The following HDAC9 variants were observed in gnomAD, a reference collection of about 807,000 sequenced individuals.
HDAC9 encodes histone deacetylase 9.
HDAC9 carries 41 observed loss-of-function variants against 139.4 expected under a neutral mutation model. The ratio of observed to expected loss-of-function variants is 0.29; its 90% confidence interval spans 0.23 to 0.38. HDAC9 has a LOEUF of 0.38. Ranked by LOEUF, HDAC9 falls within the 10% of genes least tolerant of loss-of-function variation. The pLI is 1.00. For missense variants in HDAC9, 1,147 were observed against 1,297.0 expected, an observed-to-expected ratio of 0.88 and a Z score of 1.78; for synonymous variants, 517 against 476.2, an observed-to-expected ratio of 1.09 and a Z score of -1.12.
intron 1 of HDAC9, among the ~76,000 whole-genome samples, chr7:18,335,973 G>A (rs1340391158): frequency 6.6e-6 from 1 of 151,556 alleles, no homozygotes; most frequent in Admixed American, 6.6e-5. Flanking sequence ...TATTGCTCAT[G>A]ATGTAACATT....
intron 2 of HDAC9, among the ~76,000 whole-genome samples, chr7:18,176,065 C>T (rs1788877780): frequency 6.6e-6 from 1 of 152,104 alleles, no homozygotes; most frequent in African/African-American, 2.4e-5. Context: ...TGACCAAGCA[C>T]TCACCTTTTA....
chr7:18,539,432 C>CT (rs1242577918), intron 2 of HDAC9, among the ~76,000 whole-genome samples: 1 of 152,142 alleles, frequency 6.6e-6, no homozygotes, highest in Non-Finnish European at 1.5e-5. Flanking sequence ...TAAATGCAAC[C>CT]TGGGACCCTG....
chr7:18,383,136 A>G (rs888622188), intron 1 of HDAC9, among the ~76,000 whole-genome samples: 17 of 152,234 alleles, frequency 1.1e-4, no homozygotes, highest in African/African-American at 3.6e-4. Context: ...TTAAAGAACC[A>G]CCATACATAA....
chr7:18,094,439 CT>C lies in HDAC9; in HGVS notation c.-97+7244del, dbSNP rs762146571. Among the ~76,000 whole-genome samples the C allele has an allele frequency of 7.7e-3, 1,041 of 135,940 alleles. 4 individuals are homozygous for C. The highest frequency in any genetic ancestry group is 0.017 in the African/African-American group (607 of 36,752). 89.2% of individuals were successfully genotyped at this position (135,940 alleles called of 152,430 possible). ...ACCCAGCCTATCTTTGTTACCTTTA[CT>C]TTTTTTTTTTTTTTTTTAGGTGCAG... On this transcript the variant is annotated intron_variant, in intron 1 of 12. Coordinates refer to the HDAC9 transcript ENST00000417496.
chr7:18,671,266 G>T (rs919607303), intron 12 of HDAC9, among the ~76,000 whole-genome samples: 5 of 151,966 alleles, frequency 3.3e-5, no homozygotes, highest in Admixed American at 6.6e-5. Context: ...CTCCTAAGTG[G>T]TATTCTAATA....
At chr7:18,647,754 G>C in intron 9 of HDAC9, 31 bp from the exon 10 acceptor site, 1 of 1,556,534 alleles carries the variant, frequency 6.4e-7, no homozygotes, top group East Asian at 2.4e-5. Context: ...GGATGAAAGA[G>C]GATTAACATC....
intron 1 of HDAC9, among the ~76,000 whole-genome samples, chr7:18,344,543 A>C (rs1250938748): frequency 6.6e-6 from 1 of 151,980 alleles, no homozygotes; most frequent in East Asian, 1.9e-4. Flanking sequence ...TCGTACTTAA[A>C]TAGTAAATCA....
At chr7:18,232,750 G>T (rs1793548478) in intron 2 of HDAC9, among the ~76,000 whole-genome samples, 1 of 152,184 alleles carries the variant, frequency 6.6e-6, no homozygotes, top group African/African-American at 2.4e-5. Context: ...GACACAGGTT[G>T]TTGACCCCAA....
At chr7:18,119,016 C>T (rs1322450289) in intron 1 of HDAC9, among the ~76,000 whole-genome samples, 3 of 152,266 alleles carry the variant, frequency 2.0e-5, no homozygotes, top group South Asian at 2.1e-4. Flanking sequence ...TTATCTGAAG[C>T]TCTTCTAGAG....
rs111424142 is a variant in HDAC9 at position 18,449,426 on chromosome 7, C to T, written c.-41-46836C>T. 7.7e-3 allele frequency among the ~76,000 whole-genome samples: 1,168 copies of T among 152,156 alleles called. 16 individuals carry two copies. Among genetic ancestry groups the T allele is most frequent in the African/African-American group, 0.027 (1,105 of 41,530 alleles). ...AAGTTAAAAATATGGTCAAAACTAA[C>T]ATGGGGTGTTAAAAGTCTGGCTAGT... On this transcript the variant is annotated intron_variant, in intron 1 of 3. Transcript: ENST00000413509.
In HDAC9 at chr7:18,987,498, T is replaced by G. The variant is rs895268310; in HGVS notation, c.3171-8525T>G. On this transcript the variant is annotated intron_variant, in intron 25 of 25. Transcript: ENST00000686413. ...ATTTTATTGAGGATTTTTGCATCAA[T>G]GTTCATCAAGGCTATTGGTCTAAAA... 1.0e-4 allele frequency among the ~76,000 whole-genome samples: 16 copies of G among 152,384 alleles called. 1 individual carries two copies. The highest frequency in any genetic ancestry group is 3.6e-4 in the African/African-American group (15 of 41,592).
At chr7:18,373,613 TTCCATGCCAGGAATTGAGG>T (rs1784757332) in intron 1 of HDAC9, among the ~76,000 whole-genome samples, 1 of 152,152 alleles carries the variant, frequency 6.6e-6, no homozygotes, top group South Asian at 2.1e-4. Flanking sequence ...AGGTTAGAGA[TTCCATGCCAGGAATTGAGG>T]TGTAAATGCC....
chr7:18,396,714 G>A (rs111844273), intron 1 of HDAC9, among the ~76,000 whole-genome samples: 2,109 of 152,104 alleles, frequency 0.014, 26 homozygotes, highest in Non-Finnish European at 0.022. Flanking sequence ...TCTAATCAGC[G>A]GTGATAATTG....
intron 23 of HDAC9, among the ~76,000 whole-genome samples, chr7:18,939,895 T>C (rs1379096808): frequency 1.3e-5 from 2 of 152,204 alleles, no homozygotes; most frequent in East Asian, 3.8e-4. Context: ...TTCTCAACAC[T>C]GAACATGCAA....
At chr7:18,789,286 G>GCGCGCACACACACACACACACACACACA (rs146066951) in intron 16 of HDAC9, among the ~76,000 whole-genome samples, 46 of 148,502 alleles carry the variant, frequency 3.1e-4, no homozygotes, top group African/African-American at 1.1e-3. Flanking sequence ...ACACATACAC[G>GCGCGCACACACACACACACACACACACA]CACACACACA....
At chr7:18,941,440 C>T (rs1377077048) in intron 23 of HDAC9, among the ~76,000 whole-genome samples, 1 of 152,116 alleles carries the variant, frequency 6.6e-6, no homozygotes, top group African/African-American at 2.4e-5. Flanking sequence ...TTGACAACCA[C>T]CCCTGAGGTG....
intron 12 of HDAC9, among the ~76,000 whole-genome samples, chr7:18,681,615 G>C (rs895646115): frequency 1.4e-4 from 21 of 151,994 alleles, no homozygotes; most frequent in Admixed American, 1.3e-3. Flanking sequence ...ACTTGTCCCA[G>C]GTGATCAATT....
rs777262028 is a variant in HDAC9 at position 18,835,912 on chromosome 7, C to T, written c.2599C>T (p.Leu867Phe). 1 of 1,556,940 alleles carries T rather than the reference C, an allele frequency of 6.4e-7. No individual in the cohort carries two copies. Among genetic ancestry groups the T allele is most frequent in the East Asian group, 2.4e-5 (1 of 41,696 alleles). The change falls in exon 21 of 26, where the codon CTT (leucine) becomes TTT (phenylalanine). Residue 867 changes from leucine to phenylalanine, a missense_variant. Leu to Phe is a conservative substitution (Grantham distance 22). Coordinates refer to ENST00000686413, the MANE Select transcript of HDAC9 (RefSeq NM_178425.4). ...TTTCTCTTCCCAGGTTGGAACAGGC[C>T]TTGGAGAAGGGTACAATATAAATAT... Reference protein sequence around the residue: ...SGAPNEVGTGLGEGYNINIAW... With the variant: ...SGAPNEVGTGFGEGYNINIAW...
chr7:18,416,683 A>T (rs1056722836), intron 1 of HDAC9, among the ~76,000 whole-genome samples: 3 of 152,138 alleles, frequency 2.0e-5, no homozygotes, highest in Admixed American at 6.5e-5. Context: ...CAATTGAAAA[A>T]AATTGTTTAT....
Sources: allele counts gnomAD v4.1 joint callset (sites outside exome capture counted in the v4.1 genomes callset), GRCh38; gene constraint gnomAD v4.1.1; transcripts MANE v1.5; gene names NCBI Gene and HGNC (gene_info 2026-07-23, HGNC 2026-07-21).